The following FN1 variants were observed in gnomAD, a reference collection of about 807,000 sequenced individuals.
FN1 encodes the protein fibronectin.
In FN1, 106 loss-of-function variants were observed where a neutral mutation model predicts 297.3. The ratio of observed to expected loss-of-function variants is 0.36; its 90% CI spans 0.30 to 0.42. FN1 has a LOEUF of 0.42. Among genes scored for constraint, FN1 ranks in the 10% least tolerant of loss-of-function variants. The pLI is 1.00. For missense variants in FN1, 2,690 were observed against 3,124.9 expected, an observed-to-expected ratio of 0.86 and a Z score of 3.32; for synonymous variants, 1,149 against 1,152.6, an observed-to-expected ratio of 1.00 and a Z score of 0.06.
At chr2:215,412,147 C>G (rs1382322953) in intron 13 of FN1, among the ~76,000 whole-genome samples, 1 of 151,240 alleles carries the variant, frequency 6.6e-6, no homozygotes, top group Non-Finnish European at 1.5e-5. Context: ...CTGCAAATGG[C>G]CAGATTATGG....
intron 6 of FN1, among the ~76,000 whole-genome samples, chr2:215,425,967 G>C (rs2065268617): frequency 6.6e-6 from 1 of 152,138 alleles, no homozygotes; most frequent in South Asian, 2.1e-4. Flanking sequence ...GAGCTCATCA[G>C]AGGGTGCCTT....
intron 42 of FN1, 39 bp downstream of exon 42, chr2:215,367,824 A>G: frequency 6.2e-7 from 1 of 1,608,146 alleles, no homozygotes; most frequent in African/African-American, 1.3e-5. Context: ...GAACTTGAGG[A>G]GACAAACACG....
chr2:215,425,178 C>T lies in FN1; in HGVS notation c.952G>A (p.Val318Met). 2 of 1,614,226 alleles carry T rather than the reference C, an allele frequency of 1.2e-6. No homozygotes were observed. Among genetic ancestry groups the T allele is most frequent in the Non-Finnish European group, 1.7e-6 (2 of 1,180,044 alleles). ...CVTDSGVVYS[V>M]GMQWLKTQGN... ...TGTGTCTTCAGCCACTGCATCCCCA[C>T]AGAGTAGACCACACCACTGTCTGTG... is the stretch of plus-strand genomic sequence containing the variant. Residue 318 changes from valine (V) to methionine (M), a missense_variant, in exon 7 of 46, where the codon GTG (valine) becomes ATG (methionine). Val to Met is a conservative substitution (Grantham distance 21). This residue lies in a region of FN1 where 876 missense variants were observed against 1,058.1 expected (regional missense o/e 0.83). Transcript: ENST00000354785.
chr2:215,362,738 T>C (rs2053715132), intron 44 of FN1: 1 of 153,754 alleles, frequency 6.5e-6, no homozygotes, highest in African/African-American at 2.4e-5. Flanking sequence ...CCTGAAGTTT[T>C]TACTGGAAAT....
At chr2:215,384,473 C>G (rs2058646541) in intron 29 of FN1, 1 of 467,236 alleles carries the variant, frequency 2.1e-6, no homozygotes, top group African/African-American at 1.9e-5. Context: ...AGCCCTCAAC[C>G]CAGGATTGCA....
chr2:215,423,671 G>A, intron 8 of FN1, 145 bp from the exon 9 acceptor site: 1 of 780,048 alleles, frequency 1.3e-6, no homozygotes, highest in Non-Finnish European at 2.2e-6. Context: ...TGATAATATA[G>A]TTCTAAGCTT....
At chr2:215,377,515 T>C (rs1349535312) in intron 35 of FN1, among the ~76,000 whole-genome samples, 1 of 152,144 alleles carries the variant, frequency 6.6e-6, no homozygotes, top group Non-Finnish European at 1.5e-5. Context: ...AGCCATGTGA[T>C]GTGCCTGCTC....
intron 33 of FN1, 40 bp from the exon 34 acceptor site, chr2:215,379,357 A>G (rs770294616): frequency 6.4e-7 from 1 of 1,574,110 alleles, no homozygotes; most frequent in Non-Finnish European, 8.7e-7. Context: ...TCTTATAGGA[A>G]ATGGGGGAAA....
intron 5 of FN1, 70 bp from the exon 6 acceptor site, chr2:215,428,408 A>C (rs2065882093): frequency 7.2e-7 from 1 of 1,381,586 alleles, no homozygotes. Flanking sequence ...AACTTAAAAA[A>C]GGAATGCTAT....
At chr2:215,387,273 A>ATCTTCTGAGAATTGACATTTTCAAAT in intron 27 of FN1, among the ~76,000 whole-genome samples, 1 of 152,320 alleles carries the variant, frequency 6.6e-6, no homozygotes, top group Non-Finnish European at 1.5e-5. Flanking sequence ...AGTGTTCAAG[A>ATCTTCTGAGAATTGACATTTTCAAAT]TCTTCTGAGA....
rs1184926235 is a variant in FN1, at chr2:215,375,269, A to G, written c.6102T>C (p.Pro2034=). 6.2e-7 allele frequency: 1 copy of G among 1,614,170 alleles called. No homozygotes were observed. Among genetic ancestry groups the G allele is most frequent in the Admixed American group, 1.7e-5 (1 of 60,022 alleles). The part of the protein sequence containing the change: ...YIIKYEKPGS[P]PREVVPRPRP... ...GGGGCCGAGGGACCACTTCTCTGGGAGGAGACCCAGGCTTCTCATACTTGA... is the reference window on the plus strand; with the variant it reads ...GGGGCCGAGGGACCACTTCTCTGGGGGGAGACCCAGGCTTCTCATACTTGA... The change falls in exon 38 of 46, where the codon CCT becomes CCC. Residue 2034 remains proline (P), a synonymous_variant. Coordinates refer to ENST00000354785, the MANE Select transcript of FN1 (RefSeq NM_212482.4).
intron 18 of FN1, among the ~76,000 whole-genome samples, chr2:215,406,800 A>G (rs2061833535): frequency 6.6e-6 from 1 of 152,196 alleles, no homozygotes; most frequent in African/African-American, 2.4e-5. Flanking sequence ...TTTTAGAAAA[A>G]GCCTTTGAAA....
At chr2:215,395,991 C>G (rs1021438304) in intron 23 of FN1, among the ~76,000 whole-genome samples, 2 of 152,304 alleles carry the variant, frequency 1.3e-5, no homozygotes, top group East Asian at 1.9e-4. Flanking sequence ...ATAATGAAAA[C>G]TTTACCAAAA....
intron 23 of FN1, among the ~76,000 whole-genome samples, chr2:215,395,311 G>A (rs1218397542): frequency 6.6e-6 from 1 of 152,112 alleles, no homozygotes. Context: ...GTTGAGGCAG[G>A]CAGATCACCT....
At chr2:215,425,378 CACT>C in intron 6 of FN1, 93 bp from the exon 7 acceptor site, 5 of 1,281,372 alleles carry the variant, frequency 3.9e-6, no homozygotes, top group Non-Finnish European at 5.7e-6. Context: ...TCACAGAGAT[CACT>C]CTGAAATCTA....
chr2:215,434,778 C>T lies in FN1; in HGVS notation c.195G>A (p.Trp65Ter). Residue 65 changes from tryptophan (W) to a stop codon, truncating the protein, a stop_gained, in exon 2 of 46, where the codon TGG (tryptophan) becomes TGA (stop). Transcript: ENST00000354785. LOFTEE classifies it high-confidence loss of function. ...NGKHYQINQQ[W>*]ERTYLGNALV... ...ACGCATTGCCTAGGTAGGTCCGCTC[C>T]CACTGTTGATTTATCTGATAGTGTT... 1.2e-6 allele frequency: 2 copies of T among 1,614,006 alleles called. No homozygotes were observed. The highest frequency in any genetic ancestry group is 1.7e-6 in the Non-Finnish European group (2 of 1,179,874).
At chr2:215,427,859 TGTGTGTGC>T (rs1233253275) in intron 6 of FN1, among the ~76,000 whole-genome samples, 6 of 152,274 alleles carry the variant, frequency 3.9e-5, no homozygotes, top group Non-Finnish European at 2.9e-5. Context: ...AAAATACGTG[TGTGTGTGC>T]GTGTGTGCGT....
At chr2:215,431,135 G>A (rs2066440499) in intron 4 of FN1, among the ~76,000 whole-genome samples, 1 of 152,064 alleles carries the variant, frequency 6.6e-6, no homozygotes, top group Non-Finnish European at 1.5e-5. Flanking sequence ...ATTTCCAGTA[G>A]CAAGGATCTA....
rs769938830 is a variant in FN1, at chr2:215,388,210, A to G, written c.4342+2T>C. On this transcript the variant is annotated splice_donor_variant, in intron 27 of 45. Transcript: ENST00000354785. LOFTEE classifies it high-confidence loss of function. ...GATAGTCATACTGCCAACACCACTCACCTGTTTTCTGTCTTCCTCTAAGAG... is the reference window on the plus strand; with the variant it reads ...GATAGTCATACTGCCAACACCACTCGCCTGTTTTCTGTCTTCCTCTAAGAG... 5.0e-6 allele frequency: 8 copies of G among 1,609,486 alleles called. No homozygotes were observed. In the Admixed American group the frequency reaches 1.0e-4, roughly 20 times the overall value.
Sources: gnomAD v4.1 joint callset for allele counts (sites outside exome capture counted in the v4.1 genomes callset) on GRCh38, gnomAD v4.1.1 for gene constraint, gnomAD v4.1.1 regional missense constraint, MANE v1.5 for transcripts, NCBI Gene and HGNC (gene_info 2026-07-23, HGNC 2026-07-21) for gene names.